ADGRL3: variants seen among roughly 807,000 people sequenced by gnomAD.
ADGRL3 encodes calcium-independent alpha-latrotoxin receptor 3.
A neutral mutation model predicts 153.5 loss-of-function variants in ADGRL3; 62 were observed. The ratio of observed to expected loss-of-function variants is 0.40; its 90% CI spans 0.33 to 0.50. The LOEUF is 0.50. ADGRL3 is among the 20% of genes least tolerant of loss of function. The probability of loss-of-function intolerance (pLI) is 0.47; values close to 1 mark genes in which losing one functional copy is unlikely to be tolerated. For synonymous variants in ADGRL3, 710 were observed against 672.5 expected, an observed-to-expected ratio of 1.06 and a Z score of -0.86; for missense variants, 1,641 against 1,859.4, an observed-to-expected ratio of 0.88 and a Z score of 2.16.
At chr4:61,620,109 TA>T (rs1207356592) in intron 5 of ADGRL3, among the ~76,000 whole-genome samples, 18 of 151,766 alleles carry the variant, frequency 1.2e-4, no homozygotes, top group African/African-American at 4.1e-4. Context: ...CTTCTTCCTT[TA>T]AAAAAATGCG....
intron 1 of ADGRL3, among the ~76,000 whole-genome samples, chr4:61,310,083 A>T (rs2094940608): frequency 6.6e-6 from 1 of 151,156 alleles, no homozygotes; most frequent in African/African-American, 2.4e-5. Flanking sequence ...TGCTTGTTGA[A>T]TTTCAAAAAG....
At chr4:61,290,467 G>C (rs2094131800) in intron 1 of ADGRL3, among the ~76,000 whole-genome samples, 1 of 151,942 alleles carries the variant, frequency 6.6e-6, no homozygotes, top group African/African-American at 2.4e-5. Context: ...ACAATGGTAA[G>C]GAAGATAAGG....
intron 2 of ADGRL3, among the ~76,000 whole-genome samples, chr4:61,482,545 G>A (rs548443731): frequency 1.3e-5 from 2 of 152,130 alleles, no homozygotes; most frequent in South Asian, 2.1e-4. Context: ...CCACTCTTCC[G>A]AGAAAAGACT....
chr4:61,938,783 G>C (rs1469841173), intron 15 of ADGRL3, among the ~76,000 whole-genome samples: 1 of 135,148 alleles, frequency 7.4e-6, no homozygotes, highest in African/African-American at 2.8e-5. Context: ...GCAAATATAT[G>C]TCCATTTTGT....
intron 8 of ADGRL3, among the ~76,000 whole-genome samples, chr4:61,750,293 C>T (rs1042483206): frequency 2.6e-5 from 4 of 151,286 alleles, no homozygotes; most frequent in African/African-American, 7.3e-5. Context: ...CATGCAAAGG[C>T]AGCATCATAC....
chr4:62,042,133 C>T (rs1728684401), intron 24 of ADGRL3, among the ~76,000 whole-genome samples: 2 of 151,904 alleles, frequency 1.3e-5, no homozygotes, highest in Admixed American at 6.6e-5. Flanking sequence ...AATATACATA[C>T]ACTATGTATG....
chr4:61,448,761 AG>A (rs1388547432), intron 2 of ADGRL3, among the ~76,000 whole-genome samples: 7 of 127,630 alleles, frequency 5.5e-5, no homozygotes, highest in Non-Finnish European at 1.2e-4. Flanking sequence ...GAGGGAAGGA[AG>A]GAAGAGAGGG....
In ADGRL3 at chr4:61,696,696, G is replaced by A. The variant is rs1222055928; in HGVS notation, c.583+19761G>A. ...TTTTTTTTTTTTTTTTTTTTTGTGA[G>A]ATGGAGTCTCGCTCTCTCGCCCAGG... is the stretch of plus-strand genomic sequence containing the variant. On this transcript the variant is annotated intron_variant, in intron 6 of 26. Coordinates refer to ENST00000683033, the MANE Select transcript of ADGRL3 (RefSeq NM_001387552.1). 6.9e-5 allele frequency among the ~76,000 whole-genome samples: 6 copies of A among 86,578 alleles called. No homozygotes were observed. In the East Asian group the frequency reaches 2.6e-3, roughly 38 times the overall value. The allele number at this position is 86,578 out of a possible 152,430, so 56.8% of individuals were successfully genotyped here. A position where few individuals can be genotyped will look rare whatever the true frequency, so the allele number is the denominator to read the frequency against.
At chr4:61,747,115 G>T (rs1406305107) in intron 8 of ADGRL3, among the ~76,000 whole-genome samples, 2 of 152,128 alleles carry the variant, frequency 1.3e-5, no homozygotes, top group Non-Finnish European at 2.9e-5. Flanking sequence ...TAGAAGAAAT[G>T]GATAAATTCC....
At chr4:61,896,879 A>G (rs1359407235) in intron 11 of ADGRL3, among the ~76,000 whole-genome samples, 1 of 152,184 alleles carries the variant, frequency 6.6e-6, no homozygotes, top group Non-Finnish European at 1.5e-5. Context: ...GATCAGATTA[A>G]GAGATCAGTA....
intron 1 of ADGRL3, among the ~76,000 whole-genome samples, chr4:61,249,175 G>A (rs1758223656): frequency 6.6e-6 from 1 of 152,170 alleles, no homozygotes; most frequent in Non-Finnish European, 1.5e-5. Flanking sequence ...CAGTGAAGTG[G>A]ACTGTTAGGA....
At chr4:61,582,666 G>A (rs1458271623) in intron 4 of ADGRL3, among the ~76,000 whole-genome samples, 2 of 151,736 alleles carry the variant, frequency 1.3e-5, no homozygotes, top group Admixed American at 1.3e-4. Context: ...GATTTGACTA[G>A]GACATTGAAG....
At chr4:61,400,933 T>G (rs1639700721) in intron 2 of ADGRL3, among the ~76,000 whole-genome samples, 3 of 151,824 alleles carry the variant, frequency 2.0e-5, no homozygotes, top group African/African-American at 4.8e-5. Context: ...GAGGATGCTC[T>G]GTTTGCATTA....
intron 9 of ADGRL3, among the ~76,000 whole-genome samples, chr4:61,876,752 A>C (rs2098477723): frequency 6.6e-6 from 1 of 151,812 alleles, no homozygotes; most frequent in African/African-American, 2.4e-5. Context: ...AAAATAAAAT[A>C]AAATAAAATG....
At chr4:61,536,019 G>A (rs1051927234) in intron 4 of ADGRL3, among the ~76,000 whole-genome samples, 8 of 151,950 alleles carry the variant, frequency 5.3e-5, no homozygotes, top group Admixed American at 5.2e-4. Flanking sequence ...TCTTTTTGAT[G>A]TAGGCAATTA....
chr4:61,625,661 A>T (rs1423963577), intron 5 of ADGRL3, among the ~76,000 whole-genome samples: 5 of 152,068 alleles, frequency 3.3e-5, no homozygotes, highest in Non-Finnish European at 7.4e-5. Flanking sequence ...AATATATAAA[A>T]ATGCATAATA....
At chr4:61,977,899 A>G (rs1211075761) in intron 17 of ADGRL3, among the ~76,000 whole-genome samples, 3 of 152,084 alleles carry the variant, frequency 2.0e-5, no homozygotes, top group African/African-American at 7.2e-5. Context: ...TTACCCAGGT[A>G]TTGAGTGAGC....
chr4:61,379,944 G>T (rs2151880024), intron 1 of ADGRL3, among the ~76,000 whole-genome samples: 1 of 152,096 alleles, frequency 6.6e-6, no homozygotes, highest in East Asian at 1.9e-4. Flanking sequence ...AGGATGTAGA[G>T]TCTGAATTTG....
At chr4:61,745,461 AAGGC>A (rs1254234047) in intron 8 of ADGRL3, among the ~76,000 whole-genome samples, 1 of 152,192 alleles carries the variant, frequency 6.6e-6, no homozygotes, top group East Asian at 1.9e-4. Context: ...GCCAGAAAGA[AAGGC>A]AGGGTTACCC....
Sources: gnomAD v4.1 joint callset for allele counts (sites outside exome capture counted in the v4.1 genomes callset) on GRCh38, gnomAD v4.1.1 for gene constraint, MANE v1.5 for transcripts, NCBI Gene and HGNC (gene_info 2026-07-23, HGNC 2026-07-21) for gene names.